The following COL25A1 variants were observed in gnomAD, a reference collection of about 807,000 sequenced individuals.
The protein encoded by COL25A1 is collagen type XXV alpha 1 chain.
Under a neutral mutation model 128.4 loss-of-function variants are expected in COL25A1, and 103 were observed. The observed-to-expected ratio is 0.80, with a 90% CI of 0.68 to 0.94. The LOEUF is 0.94. Among genes scored for constraint, COL25A1 ranks in the 40% least tolerant of loss-of-function variants. The probability of loss-of-function intolerance (pLI) is 0.00; values close to 1 mark genes in which losing one functional copy is unlikely to be tolerated. For missense variants in COL25A1, 745 were observed against 840.0 expected, an observed-to-expected ratio of 0.89 and a Z score of 1.40; for synonymous variants, 279 against 277.2, an observed-to-expected ratio of 1.01 and a Z score of -0.06.
At chr4:109,123,896 C>G (rs1768347990) in intron 3 of COL25A1, among the ~76,000 whole-genome samples, 2 of 151,908 alleles carry the variant, frequency 1.3e-5, no homozygotes, top group South Asian at 2.1e-4. Flanking sequence ...CTCTGACACA[C>G]AAATGGAAAC....
intron 3 of COL25A1, among the ~76,000 whole-genome samples, chr4:109,180,148 A>G (rs1322164796): frequency 1.3e-5 from 2 of 152,176 alleles, no homozygotes; most frequent in Non-Finnish European, 2.9e-5. Context: ...AGAAGAAGAA[A>G]TTTAGGAAGA....
chr4:108,948,303 A>G (rs1042475160), intron 8 of COL25A1, among the ~76,000 whole-genome samples: 1 of 152,206 alleles, frequency 6.6e-6, no homozygotes, highest in Non-Finnish European at 1.5e-5. Flanking sequence ...CTAAACAGCT[A>G]AAGGAATTTT....
At chr4:108,985,692 T>C (rs1753602703) in intron 6 of COL25A1, among the ~76,000 whole-genome samples, 2 of 152,194 alleles carry the variant, frequency 1.3e-5, no homozygotes, top group African/African-American at 4.8e-5. Flanking sequence ...TTTGGGAAGA[T>C]GGGGTTGACA....
intron 3 of COL25A1, among the ~76,000 whole-genome samples, chr4:109,143,251 G>A (rs1045791822): frequency 3.9e-5 from 6 of 152,172 alleles, no homozygotes; most frequent in Non-Finnish European, 8.8e-5. Context: ...CTTCTGGCTC[G>A]CAGGGTTTCT....
At chr4:109,158,199 A>G (rs535080233) in intron 3 of COL25A1, among the ~76,000 whole-genome samples, 3 of 152,304 alleles carry the variant, frequency 2.0e-5, no homozygotes, top group East Asian at 1.9e-4. Context: ...AAACAAAAAG[A>G]AAAAGAAAAT....
intron 5 of COL25A1, among the ~76,000 whole-genome samples, chr4:109,039,048 C>T (rs747281218): frequency 3.5e-4 from 53 of 152,118 alleles, no homozygotes; most frequent in Non-Finnish European, 6.9e-4. Flanking sequence ...CATCATCACG[C>T]GTCTGTCATT....
intron 3 of COL25A1, among the ~76,000 whole-genome samples, chr4:109,190,075 A>G (rs186386434): frequency 7.2e-5 from 11 of 152,304 alleles, no homozygotes; most frequent in African/African-American, 2.6e-4. Context: ...GTGATATGAA[A>G]GAAAAGTATG....
At chr4:109,132,801 T>A (rs945450667) in intron 3 of COL25A1, among the ~76,000 whole-genome samples, 1 of 152,134 alleles carries the variant, frequency 6.6e-6, no homozygotes, top group Non-Finnish European at 1.5e-5. Context: ...TACAATTCTG[T>A]AAACCTTCTA....
At chr4:109,285,055 C>T (rs1451049796) in intron 3 of COL25A1, among the ~76,000 whole-genome samples, 1 of 152,030 alleles carries the variant, frequency 6.6e-6, no homozygotes, top group Non-Finnish European at 1.5e-5. Context: ...TTCTTGCATA[C>T]ACCTGTCAGG....
At chr4:109,168,832 T>G (rs1773307529) in intron 3 of COL25A1, among the ~76,000 whole-genome samples, 1 of 152,180 alleles carries the variant, frequency 6.6e-6, no homozygotes, top group Non-Finnish European at 1.5e-5. Flanking sequence ...TAAACCAAAT[T>G]TCTTAGAATC....
chr4:108,832,418 T>C lies in COL25A1; in HGVS notation c.1672A>G (p.Met558Val), dbSNP rs1455473961. ...GGACCTGCAGGGCCATGGGGTCCCATAGGACCATCTGTACCCTAAAAAAAA... is the reference window on the plus strand; with the variant it reads ...GGACCTGCAGGGCCATGGGGTCCCACAGGACCATCTGTACCCTAAAAAAAA... ...LPGPKGTDGP[M>V]GPHGPAGPKG... is the part of the protein sequence containing the mutation. The change falls in exon 32 of 38, where the codon ATG becomes GTG. Residue 558 changes from methionine (M) to valine (V), a missense_variant. Physicochemically the swap from Met to Val is conservative, Grantham distance 21. Coordinates refer to ENST00000399132, the MANE Select transcript of COL25A1 (RefSeq NM_198721.4). The C allele has an allele frequency of 9.9e-6, 16 of 1,608,448 alleles. No homozygotes were observed. Among genetic ancestry groups the C allele is most frequent in the African/African-American group, 1.3e-5 (1 of 74,644 alleles).
chr4:109,032,617 C>A (rs1291235295), intron 5 of COL25A1, among the ~76,000 whole-genome samples: 1 of 152,184 alleles, frequency 6.6e-6, no homozygotes, highest in Non-Finnish European at 1.5e-5. Flanking sequence ...TAACATTATG[C>A]AATTAGCGAT....
chr4:109,124,251 AT>A (rs1395055781), intron 3 of COL25A1, among the ~76,000 whole-genome samples: 3 of 151,906 alleles, frequency 2.0e-5, no homozygotes, highest in Non-Finnish European at 2.9e-5. Context: ...TCTCCCATGT[AT>A]TTTTCAGCAT....
chr4:109,198,294 TCACACACACACA>T (rs112993547), intron 3 of COL25A1, among the ~76,000 whole-genome samples: 3,489 of 144,042 alleles, frequency 0.024, 126 homozygotes, highest in African/African-American at 0.077. Context: ...GCATATTCAT[TCACACACACACA>T]CACACACACA....
At chr4:109,175,622 T>G (rs1199948634) in intron 3 of COL25A1, among the ~76,000 whole-genome samples, 1 of 152,236 alleles carries the variant, frequency 6.6e-6, no homozygotes, top group African/African-American at 2.4e-5. Flanking sequence ...CATGAGATTT[T>G]ATTTATCCAT....
intron 5 of COL25A1, among the ~76,000 whole-genome samples, chr4:109,022,811 C>A (rs1267275847): frequency 1.3e-5 from 2 of 152,122 alleles, no homozygotes; most frequent in Non-Finnish European, 2.9e-5. Context: ...GAGTCCAATG[C>A]CAGGGTCTAC....
At chr4:109,237,805 C>A (rs1462284855) in intron 3 of COL25A1, among the ~76,000 whole-genome samples, 3 of 152,102 alleles carry the variant, frequency 2.0e-5, no homozygotes, top group East Asian at 1.9e-4. Context: ...AAACTCTGTG[C>A]CCATTAAACA....
chr4:108,907,171 G>A (rs1743628715), intron 13 of COL25A1, among the ~76,000 whole-genome samples: 1 of 152,180 alleles, frequency 6.6e-6, no homozygotes, highest in South Asian at 2.1e-4. Flanking sequence ...AGTGAAGCGA[G>A]GCGAGTGCGA....
chr4:108,847,393 T>C (rs1486942010), intron 27 of COL25A1, among the ~76,000 whole-genome samples: 1 of 152,134 alleles, frequency 6.6e-6, no homozygotes, highest in Non-Finnish European at 1.5e-5. Flanking sequence ...AAAAATTATT[T>C]ATGGAAAGGA....
Sources: gnomAD v4.1 joint callset for allele counts (sites outside exome capture counted in the v4.1 genomes callset) on GRCh38, gnomAD v4.1.1 for gene constraint, MANE v1.5 for transcripts, NCBI Gene and HGNC (gene_info 2026-07-23, HGNC 2026-07-21) for gene names.